CSGALNACT1: variants seen among roughly 807,000 people sequenced by gnomAD.
CSGALNACT1 encodes beta4GalNAcT-1.
A neutral mutation model predicts 51.0 loss-of-function variants in CSGALNACT1; 52 were observed. That is an observed-to-expected ratio of 1.02 (90% CI 0.82 to 1.29). The LOEUF (loss-of-function observed/expected upper bound fraction) is 1.29. CSGALNACT1 is among the 50% of genes most tolerant of loss of function. The pLI, the probability that CSGALNACT1 is intolerant of heterozygous loss-of-function variation, is 0.00. For synonymous variants in CSGALNACT1, 341 were observed against 254.4 expected, an observed-to-expected ratio of 1.34 and a Z score of -3.24; for missense variants, 935 against 679.2, an observed-to-expected ratio of 1.38 and a Z score of -4.19.
intron 4 of CSGALNACT1, 116 bp from the exon 4 acceptor site, chr8:19,458,758 C>G: frequency 1.0e-6 from 1 of 972,406 alleles, no homozygotes; most frequent in East Asian, 2.4e-5. Flanking sequence ...TGAAATCTCT[C>G]CAACAATTAT....
At chr8:19,669,464 A>C (rs2059622883) in intron 1 of CSGALNACT1, among the ~76,000 whole-genome samples, 1 of 152,078 alleles carries the variant, frequency 6.6e-6, no homozygotes, top group South Asian at 2.1e-4. Flanking sequence ...TTTGGTTTTT[A>C]TTTTGGAGAT....
chr8:19,704,130 A>T (rs953352990), intron 1 of CSGALNACT1, among the ~76,000 whole-genome samples: 10 of 152,334 alleles, frequency 6.6e-5, no homozygotes, highest in South Asian at 4.1e-4. Flanking sequence ...TTACATAATT[A>T]CATGGATCAT....
chr8:19,593,767 C>T (rs2048325101), intron 2 of CSGALNACT1, among the ~76,000 whole-genome samples: 1 of 152,214 alleles, frequency 6.6e-6, no homozygotes. Context: ...CCTACACATG[C>T]TCCAAGAATT....
At chr8:19,645,569 G>C (rs1356651715) in intron 1 of CSGALNACT1, among the ~76,000 whole-genome samples, 4 of 152,202 alleles carry the variant, frequency 2.6e-5, no homozygotes, top group Non-Finnish European at 5.9e-5. Flanking sequence ...AACCTCGAAG[G>C]GTGGGCGTAA....
chr8:19,669,501 G>C (rs1026121699), intron 1 of CSGALNACT1, among the ~76,000 whole-genome samples: 7 of 152,160 alleles, frequency 4.6e-5, no homozygotes, highest in African/African-American at 1.7e-4. Flanking sequence ...ACCCAGGCTG[G>C]AGTGCAGTGG....
intron 1 of CSGALNACT1, among the ~76,000 whole-genome samples, chr8:19,744,569 T>C (rs1383433469): frequency 6.6e-6 from 1 of 152,186 alleles, no homozygotes; most frequent in Non-Finnish European, 1.5e-5. Context: ...CACAAGAGTA[T>C]GAATATATAA....
chr8:19,527,380 C>A (rs951373216), intron 3 of CSGALNACT1, among the ~76,000 whole-genome samples: 8 of 152,048 alleles, frequency 5.3e-5, no homozygotes, highest in African/African-American at 1.9e-4. Context: ...GAGGGTGGAT[C>A]ACTTGAGCCC....
intron 2 of CSGALNACT1, among the ~76,000 whole-genome samples, chr8:19,597,398 C>T (rs534347814): frequency 6.7e-6 from 1 of 148,804 alleles, no homozygotes; most frequent in African/African-American, 2.5e-5. Context: ...TGGGCTCAAG[C>T]AATCCTCCCG....
intron 1 of CSGALNACT1, chr8:19,682,469 T>A: frequency 2.9e-6 from 1 of 342,712 alleles, no homozygotes; most frequent in South Asian, 2.3e-5. Context: ...CCTCTGCCAC[T>A]CACCCACACA....
chr8:19,631,052 G>A (rs950182769), intron 1 of CSGALNACT1, among the ~76,000 whole-genome samples: 5 of 152,260 alleles, frequency 3.3e-5, no homozygotes, highest in African/African-American at 1.2e-4. Flanking sequence ...TAGCACACTT[G>A]TAACAGACCA....
At chr8:19,647,672 T>C (rs981805581) in intron 1 of CSGALNACT1, among the ~76,000 whole-genome samples, 1 of 152,162 alleles carries the variant, frequency 6.6e-6, no homozygotes, top group African/African-American at 2.4e-5. Context: ...ATTTACAAAA[T>C]GTAACACAGA....
chr8:19,693,096 T>G (rs1027993713), intron 1 of CSGALNACT1, among the ~76,000 whole-genome samples: 1 of 152,168 alleles, frequency 6.6e-6, no homozygotes, highest in East Asian at 1.9e-4. Flanking sequence ...TATTTGCTCT[T>G]TGACTCATTC....
chr8:19,685,439 T>C (rs1310503131), upstream of CSGALNACT1, among the ~76,000 whole-genome samples: 1 of 151,912 alleles, frequency 6.6e-6, no homozygotes, highest in African/African-American at 2.4e-5. Flanking sequence ...TGAGTCACGA[T>C]TGCACCACTG....
intron 4 of CSGALNACT1, among the ~76,000 whole-genome samples, chr8:19,503,746 C>T (rs751330759): frequency 6.6e-6 from 1 of 151,292 alleles, no homozygotes; most frequent in Non-Finnish European, 1.5e-5. Flanking sequence ...AGCTCCTGAA[C>T]ATTCTAGACA....
chr8:19,484,520 A>G (rs1192583454), intron 4 of CSGALNACT1, among the ~76,000 whole-genome samples: 1 of 152,198 alleles, frequency 6.6e-6, no homozygotes, highest in Non-Finnish European at 1.5e-5. Flanking sequence ...GCAAAGGAGA[A>G]GCAAAGGCAT....
intron 3 of CSGALNACT1, among the ~76,000 whole-genome samples, chr8:19,573,796 G>C (rs2043551038): frequency 2.0e-5 from 3 of 152,126 alleles, no homozygotes; most frequent in Admixed American, 2.0e-4. Flanking sequence ...GATGTATAAG[G>C]CTTCTCTCTT....
intron 1 of CSGALNACT1, among the ~76,000 whole-genome samples, chr8:19,651,475 C>G (rs112122403): frequency 6.6e-6 from 1 of 152,134 alleles, no homozygotes; most frequent in Non-Finnish European, 1.5e-5. Context: ...TTCATGTGTA[C>G]TCAACGTTTA....
chr8:19,597,530 T>C (rs1238051673), intron 2 of CSGALNACT1, among the ~76,000 whole-genome samples: 1 of 152,050 alleles, frequency 6.6e-6, no homozygotes, highest in Non-Finnish European at 1.5e-5. Flanking sequence ...GGCCTTGAAC[T>C]CCTGAGCTCA....
intron 4 of CSGALNACT1, among the ~76,000 whole-genome samples, chr8:19,474,431 A>C (rs1392436409): frequency 2.0e-5 from 3 of 152,164 alleles, no homozygotes; most frequent in African/African-American, 7.2e-5. Context: ...TAGTGTTTTA[A>C]GTGGAATCGA....
Sources: allele counts gnomAD v4.1 joint callset (sites outside exome capture counted in the v4.1 genomes callset), GRCh38; gene constraint gnomAD v4.1.1; transcripts MANE v1.5; gene names NCBI Gene and HGNC (gene_info 2026-07-23, HGNC 2026-07-21).